The following MPPED1 variants were observed in gnomAD, a reference collection of about 807,000 sequenced individuals.
MPPED1 encodes metallophosphoesterase domain-containing protein 1.
MPPED1 carries 16 observed loss-of-function variants against 36.2 expected under a neutral mutation model. The ratio of observed to expected loss-of-function variants is 0.44; its 90% CI spans 0.30 to 0.67. The LOEUF (loss-of-function observed/expected upper bound fraction) is 0.67. MPPED1 is among the 30% of genes least tolerant of loss of function. The pLI is 0.10. For synonymous variants in MPPED1, 199 were observed against 191.3 expected (o/e 1.04, Z -0.33); for missense variants, 307 against 453.4 (o/e 0.68, Z 2.93).
At chr22:43,489,553 C>G (rs1003100863) in intron 4 of MPPED1, among the ~76,000 whole-genome samples, 1 of 151,692 alleles carries the variant, frequency 6.6e-6, no homozygotes, top group African/African-American at 2.4e-5. Flanking sequence ...GAGTCTCGCT[C>G]TGTCGCCCAG....
intron 3 of MPPED1, among the ~76,000 whole-genome samples, chr22:43,443,676 A>AAG (rs1930230592): frequency 6.6e-6 from 1 of 152,084 alleles, no homozygotes; most frequent in African/African-American, 2.4e-5. Context: ...ATAAAAAAAA[A>AAG]GTCCAACCAA....
At chr22:43,490,519 G>A (rs565531642) in intron 4 of MPPED1, among the ~76,000 whole-genome samples, 1 of 152,248 alleles carries the variant, frequency 6.6e-6, no homozygotes, top group African/African-American at 2.4e-5. Flanking sequence ...GACAGGCAGC[G>A]GCTCTACCAG....
At chr22:43,435,359 C>T in intron 3 of MPPED1, 144 bp downstream of exon 3, 2 of 821,330 alleles carry the variant, frequency 2.4e-6, no homozygotes, top group Admixed American at 2.7e-5. Flanking sequence ...CCCTCCCTGA[C>T]CTCTCAGAGC....
In MPPED1 at chr22:43,504,600, C is replaced by T. The variant is rs185921360; in HGVS notation, c.863-898C>T. Among the ~76,000 whole-genome samples the T allele has an allele frequency of 5.6e-4, 83 of 148,108 alleles. 1 individual carries two copies. In the East Asian group the frequency reaches 9.1e-3, roughly 16 times the overall value. ...ATGATGATGTTGATGGTGATGGTGGCGGTATGTTGGTGACGTTGATGGCAC... is the reference window on the plus strand; with the variant it reads ...ATGATGATGTTGATGGTGATGGTGGTGGTATGTTGGTGACGTTGATGGCAC... On this transcript the variant is annotated intron_variant, in intron 6 of 6. Coordinates refer to ENST00000443721, the MANE Select transcript of MPPED1 (RefSeq NM_001044370.2).
intron 2 of MPPED1, among the ~76,000 whole-genome samples, chr22:43,431,021 A>ATTTTTT (rs135076): frequency 1.2e-4 from 5 of 42,304 alleles, no homozygotes; most frequent in Admixed American, 4.3e-4. Flanking sequence ...GTTGTTGTTA[A>ATTTTTT]TTTTTTTTTT....
Position 43,502,718 on chromosome 22 carries a change from G to A in MPPED1, c.823G>A (p.Val275Ile), listed in dbSNP as rs981610664. The part of the protein sequence containing the change: ...VELLNTVQRR[V>I]QPRLHVFGHI... ...GCTGCTCAACACGGTGCAGAGGCGC[G>A]TCCAGCCGCGGTTACATGTCTTTGG... Residue 275 changes from valine to isoleucine, a missense_variant, in exon 6 of 7, where the codon GTC becomes ATC. Transcript: ENST00000443721. The surrounding 1 kb of genome is among the most constrained non-coding windows in gnomAD (Gnocchi z 5.5). 1.7e-5 allele frequency: 27 copies of A among 1,613,124 alleles called. No individual in the cohort carries two copies. Among genetic ancestry groups the A allele is most frequent in the East Asian group, 8.9e-5 (4 of 44,886 alleles).
chr22:43,497,935 G>GTGTATA (rs1555904573), intron 4 of MPPED1, among the ~76,000 whole-genome samples: 9 of 128,364 alleles, frequency 7.0e-5, no homozygotes, highest in African/African-American at 2.8e-4. Context: ...ATATGTATAT[G>GTGTATA]TATATATATA....
intron 3 of MPPED1, among the ~76,000 whole-genome samples, chr22:43,459,779 A>G (rs754633080): frequency 3.3e-5 from 5 of 152,176 alleles, no homozygotes; most frequent in Non-Finnish European, 7.4e-5. Context: ...CATATTTCTA[A>G]TAGCTGATTT....
Position 43,425,094 on chromosome 22 carries a change from C to A in MPPED1, c.109C>A (p.Arg37=), listed in dbSNP as rs928536190. 6.2e-7 allele frequency: 1 copy of A among 1,613,780 alleles called. No homozygotes were observed. Among genetic ancestry groups the A allele is most frequent in the South Asian group, 1.1e-5 (1 of 91,062 alleles). The change falls in exon 2 of 7, where the codon CGG becomes AGG. Residue 37 remains arginine (R), a synonymous_variant. Coordinates refer to ENST00000443721, the MANE Select transcript of MPPED1 (RefSeq NM_001044370.2). The part of the protein sequence containing the change: ...FSQSHVMAAR[R]HQHSRLIIEV... ...CCAGTCCCACGTGATGGCCGCTCGG[C>A]GGCACCAGCACAGCCGGCTCATCAT... is the stretch of plus-strand genomic sequence containing the variant.
At chr22:43,472,626 G>A (rs867105) in intron 3 of MPPED1, among the ~76,000 whole-genome samples, 83,931 of 152,124 alleles carry the variant, frequency 0.55, 23,770 homozygotes, top group African/African-American at 0.67. Context: ...TCAAACCTGT[G>A]AAGCAGTCTG....
intron 4 of MPPED1, among the ~76,000 whole-genome samples, chr22:43,480,826 C>CTTTTTTTTTT (rs538718282): frequency 3.6e-5 from 5 of 137,894 alleles, no homozygotes; most frequent in South Asian, 2.3e-4. Flanking sequence ...CTTTTCTTTT[C>CTTTTTTTTTT]TTTTTTTTTT....
intron 3 of MPPED1, among the ~76,000 whole-genome samples, chr22:43,467,144 T>C (rs1931200755): frequency 1.3e-5 from 2 of 152,204 alleles, no homozygotes; most frequent in Admixed American, 1.3e-4. Context: ...GGGTTCTCAT[T>C]CTGGCCAGAG....
intron 4 of MPPED1, among the ~76,000 whole-genome samples, chr22:43,495,541 G>GGTGGAGGTA (rs1932269074): frequency 8.0e-6 from 1 of 124,458 alleles, no homozygotes; most frequent in Non-Finnish European, 1.8e-5. Flanking sequence ...TGGTGGAGAT[G>GGTGGAGGTA]GTGGTGGTGG....
At chr22:43,486,297 T>C (rs568707631) in intron 4 of MPPED1, among the ~76,000 whole-genome samples, 5 of 152,272 alleles carry the variant, frequency 3.3e-5, no homozygotes, top group African/African-American at 1.2e-4. Context: ...ATGACAGATG[T>C]CATCTTCACC....
At chr22:43,432,633 GAGAGAGAGAGGGAA>G (rs1171014535) in intron 2 of MPPED1, among the ~76,000 whole-genome samples, 18 of 562 alleles carry the variant, frequency 0.032, 8 homozygotes, top group East Asian at 0.17. Context: ...GGGGAGGAGA[GAGAGAGAGAGGGAA>G]AGAGAAAGGG....
intron 3 of MPPED1, among the ~76,000 whole-genome samples, chr22:43,444,628 G>A (rs1048567674): frequency 3.9e-5 from 6 of 152,132 alleles, no homozygotes; most frequent in African/African-American, 7.2e-5. Context: ...CTACCAAAGT[G>A]TTGGGATTAT....
intron 1 of MPPED1, among the ~76,000 whole-genome samples, chr22:43,423,481 T>C (rs1569063873): frequency 6.6e-6 from 1 of 152,124 alleles, no homozygotes; most frequent in East Asian, 1.9e-4. Context: ...GAGATTTTTT[T>C]CCCCCTTGTC....
At chr22:43,499,021 C>G (rs1304731307) in intron 5 of MPPED1, among the ~76,000 whole-genome samples, 1 of 151,704 alleles carries the variant, frequency 6.6e-6, no homozygotes, top group Non-Finnish European at 1.5e-5. Context: ...TCTTCTCTCT[C>G]TCTCCCATGG....
At chr22:43,440,761 C>T (rs780674042) in intron 3 of MPPED1, among the ~76,000 whole-genome samples, 3 of 152,110 alleles carry the variant, frequency 2.0e-5, no homozygotes, top group Non-Finnish European at 2.9e-5. Flanking sequence ...GGACCCTGCG[C>T]CACCCTTGGG....
Sources: gnomAD v4.1 joint callset for allele counts (sites outside exome capture counted in the v4.1 genomes callset) on GRCh38, gnomAD v4.1.1 for gene constraint, Gnocchi (gnomAD v3.1) non-coding constraint, MANE v1.5 for transcripts, NCBI Gene and HGNC (gene_info 2026-07-23, HGNC 2026-07-21) for gene names.